Variants in HTR4 observed in about 807,000 individuals in gnomAD.
HTR4 encodes the protein 5-hydroxytryptamine (serotonin) receptor 4, G protein-coupled.
In HTR4, 16 loss-of-function variants were observed where a neutral mutation model predicts 36.8. The ratio of observed to expected loss-of-function variants is 0.43; its 90% CI spans 0.29 to 0.66. The LOEUF is 0.66. HTR4 is among the 30% of genes least tolerant of loss of function. HTR4 has a pLI of 0.13. For missense variants in HTR4, 438 were observed against 490.9 expected (o/e 0.89, Z 1.02); for synonymous variants, 189 against 185.1 (o/e 1.02, Z -0.17).
At chr5:148,597,847 G>A (rs1761840163) in intron 2 of HTR4, among the ~76,000 whole-genome samples, 1 of 152,172 alleles carries the variant, frequency 6.6e-6, no homozygotes, top group Non-Finnish European at 1.5e-5. Flanking sequence ...CACCAGATCA[G>A]TGAGAACAAG....
intron 4 of HTR4, among the ~76,000 whole-genome samples, chr5:148,547,562 A>AAAATAAAATAAATAAAT (rs1554094300): frequency 7.2e-6 from 1 of 138,920 alleles, no homozygotes; most frequent in African/African-American, 2.7e-5. Context: ...AAAATAAAAT[A>AAAATAAAATAAATAAAT]AAATAAATAA....
intron 6 of HTR4, chr5:148,484,485 G>A: frequency 1.9e-6 from 2 of 1,054,756 alleles, no homozygotes; most frequent in Non-Finnish European, 2.7e-6. Flanking sequence ...AGTGTTTCTT[G>A]AAAAATTGGG....
downstream of HTR4, among the ~76,000 whole-genome samples, chr5:148,474,967 C>A (rs763186842): frequency 6.6e-6 from 1 of 151,988 alleles, no homozygotes; most frequent in South Asian, 2.1e-4. Context: ...ATTGCTGGAA[C>A]CCGGGAGGCA....
At chr5:148,609,654 C>T (rs937262280) in intron 2 of HTR4, among the ~76,000 whole-genome samples, 1 of 151,716 alleles carries the variant, frequency 6.6e-6, no homozygotes, top group East Asian at 1.9e-4. Context: ...CACGCTCTGC[C>T]TCCAGGGTTC....
intron 5 of HTR4, among the ~76,000 whole-genome samples, chr5:148,511,623 G>GTGTGTGTGTGTC (rs1757503403): frequency 6.7e-6 from 1 of 148,700 alleles, no homozygotes; most frequent in Non-Finnish European, 1.5e-5. Context: ...GGAAGTTTGT[G>GTGTGTGTGTGTC]TGTGTGTGTG....
intron 5 of HTR4, among the ~76,000 whole-genome samples, chr5:148,467,740 G>A (rs1041497902): frequency 6.6e-6 from 1 of 152,130 alleles, no homozygotes; most frequent in Non-Finnish European, 1.5e-5. Context: ...TGAGACCTCT[G>A]GCTGTTTGCA....
chr5:148,463,269 T>G (rs910723846), intron 5 of HTR4, among the ~76,000 whole-genome samples: 5 of 139,082 alleles, frequency 3.6e-5, no homozygotes, highest in African/African-American at 1.4e-4. Flanking sequence ...ATCTCCCGGG[T>G]TCAAGCAATT....
At chr5:148,566,241 T>C (rs1760436080) in intron 2 of HTR4, among the ~76,000 whole-genome samples, 1 of 152,154 alleles carries the variant, frequency 6.6e-6, no homozygotes, top group South Asian at 2.1e-4. Context: ...TATAAAACAG[T>C]AAAGCACAAG....
intron 5 of HTR4, among the ~76,000 whole-genome samples, chr5:148,511,206 T>C (rs2113774859): frequency 6.6e-6 from 1 of 152,316 alleles, no homozygotes; most frequent in South Asian, 2.1e-4. Context: ...ACGTATAAAG[T>C]ACATAAAGTG....
chr5:148,650,575 T>A (rs548686058), intron 1 of HTR4, among the ~76,000 whole-genome samples: 167 of 152,202 alleles, frequency 1.1e-3, no homozygotes, highest in East Asian at 4.0e-3. Context: ...GAGTTTTTTT[T>A]AAAAAAAATG....
chr5:148,457,936 AT>A (rs1755149792), intron 5 of HTR4, among the ~76,000 whole-genome samples: 1 of 133,112 alleles, frequency 7.5e-6, no homozygotes, highest in Non-Finnish European at 1.6e-5. Context: ...AATATATTAT[AT>A]TTTAAGATAT....
intron 2 of HTR4, among the ~76,000 whole-genome samples, chr5:148,596,054 A>G (rs996228718): frequency 6.6e-6 from 1 of 152,226 alleles, no homozygotes; most frequent in Non-Finnish European, 1.5e-5. Context: ...TTGTGCTTCT[A>G]TTACCCAGAG....
chr5:148,528,346 T>C (rs1758388252), intron 4 of HTR4, among the ~76,000 whole-genome samples: 2 of 152,182 alleles, frequency 1.3e-5, no homozygotes, highest in Non-Finnish European at 1.5e-5. Context: ...AGGTTCTTAT[T>C]TGGAGCTCGA....
intron 1 of HTR4, chr5:148,645,842 C>T (rs1376044274): frequency 6.6e-6 from 1 of 152,170 alleles, no homozygotes; most frequent in Non-Finnish European, 1.5e-5. Flanking sequence ...TGGCCCATCT[C>T]CCCTACTTTG....
chr5:148,604,193 A>C (rs1752043010), intron 2 of HTR4, among the ~76,000 whole-genome samples: 1 of 152,174 alleles, frequency 6.6e-6, no homozygotes, highest in African/African-American at 2.4e-5. Flanking sequence ...CTACATTTTG[A>C]AGAGCTTCTG....
intron 2 of HTR4, among the ~76,000 whole-genome samples, chr5:148,594,351 CGTGT>C (rs59165561): frequency 0.32 from 47,134 of 148,524 alleles, 7,468 homozygotes; most frequent in Non-Finnish European, 0.35. Context: ...TTCTGGGTTT[CGTGT>C]GTGTGTGTGT....
chr5:148,529,304 T>C (rs1758438357), intron 4 of HTR4, among the ~76,000 whole-genome samples: 1 of 152,148 alleles, frequency 6.6e-6, no homozygotes, highest in Admixed American at 6.5e-5. Context: ...CCCACCCAAA[T>C]CTCATCTTGG....
At chr5:148,574,334 A>G (rs1760799553) in intron 2 of HTR4, among the ~76,000 whole-genome samples, 1 of 152,036 alleles carries the variant, frequency 6.6e-6, no homozygotes, top group African/African-American at 2.4e-5. Flanking sequence ...TCAGCAATGG[A>G]AAAAACATCT....
chr5:148,616,557 T>C lies in HTR4; in HGVS notation c.26+20432A>G, dbSNP rs145127937. Among the ~76,000 whole-genome samples, 69 of 152,312 alleles carry C rather than the reference T, an allele frequency of 4.5e-4. No homozygotes were observed. In the East Asian group the frequency reaches 0.012, roughly 26 times the overall value. Reference sequence around the variant, plus strand: ...CTCTTCAGTTGCTGTGATAATATAATATTATTGACTCTAAGAAGTCTGCTT... The same window carrying C: ...CTCTTCAGTTGCTGTGATAATATAACATTATTGACTCTAAGAAGTCTGCTT... On this transcript the variant is annotated intron_variant, in intron 2 of 6. Transcript: ENST00000377888.
Sources: gnomAD v4.1 joint callset for allele counts (sites outside exome capture counted in the v4.1 genomes callset) on GRCh38, gnomAD v4.1.1 for gene constraint, MANE v1.5 for transcripts, NCBI Gene and HGNC (gene_info 2026-07-23, HGNC 2026-07-21) for gene names.